CIT: variants seen among roughly 807,000 people sequenced by gnomAD.
CIT encodes the protein citron rho-interacting serine/threonine kinase, also known as citron Rho-interacting kinase.
CIT carries 79 observed loss-of-function variants against 272.7 expected under a neutral mutation model. That is an observed-to-expected ratio of 0.29 (90% CI 0.24 to 0.35). The LOEUF (loss-of-function observed/expected upper bound fraction) is 0.35, where lower values mean the gene tolerates loss of function less well. Ranked by LOEUF, CIT falls within the 10% of genes least tolerant of loss-of-function variation. The probability of loss-of-function intolerance (pLI) is 1.00; values close to 1 mark genes in which losing one functional copy is unlikely to be tolerated. For synonymous variants in CIT, 948 were observed against 995.6 expected, an observed-to-expected ratio of 0.95 and a Z score of 0.90; for missense variants, 1,909 against 2,618.3, an observed-to-expected ratio of 0.73 and a Z score of 5.91.
chr12:119,764,133 C>G (rs1962141760), intron 19 of CIT, among the ~76,000 whole-genome samples: 1 of 152,278 alleles, frequency 6.6e-6, no homozygotes, highest in South Asian at 2.1e-4. Flanking sequence ...CGACCACCCA[C>G]CAAGGTGGGC....
At position 119,832,779 on chromosome 12, in the gene CIT, T is replaced by TTGA. The variant is rs748187277; in HGVS notation, c.742_744dup (p.Ser248dup). 4.8e-5 allele frequency: 77 copies of TTGA among 1,612,942 alleles called. No homozygotes were observed. The highest frequency in any genetic ancestry group is 5.9e-5 in the Non-Finnish European group (69 of 1,178,858). On this transcript the variant is annotated inframe_insertion, in exon 7 of 48. Coordinates refer to ENST00000392521, the MANE Select transcript of CIT (RefSeq NM_001206999.2). ...CTTATTCCATTTTTTACCATCTTGT[T>TTGA]TGAATTCATTTTCGCGGCAGATCCA...
chr12:119,822,063 A>C (rs1169549025), intron 9 of CIT, among the ~76,000 whole-genome samples: 6 of 152,196 alleles, frequency 3.9e-5, no homozygotes, highest in Non-Finnish European at 8.8e-5. Flanking sequence ...TCCCTCCATC[A>C]CCAAAAACAA....
intron 28 of CIT, among the ~76,000 whole-genome samples, chr12:119,723,467 T>C (rs1957913380): frequency 6.6e-6 from 1 of 151,706 alleles, no homozygotes; most frequent in African/African-American, 2.4e-5. Context: ...AGCATTTACC[T>C]GCTTCCCAGA....
chr12:119,778,893 C>T (rs1964038448), intron 13 of CIT, among the ~76,000 whole-genome samples: 1 of 152,126 alleles, frequency 6.6e-6, no homozygotes, highest in Non-Finnish European at 1.5e-5. Context: ...ATTATATAAC[C>T]AAAGATCTTT....
intron 5 of CIT, among the ~76,000 whole-genome samples, chr12:119,849,420 C>T (rs1052880049): frequency 6.6e-6 from 1 of 151,884 alleles, no homozygotes; most frequent in African/African-American, 2.4e-5. Flanking sequence ...AAGCGAGACT[C>T]TGTCTCAAAA....
rs183760956 is a variant in CIT at position 119,866,232 on chromosome 12, A to C, written c.238+2828T>G. On this transcript the variant is annotated intron_variant, in intron 3 of 47. Coordinates refer to ENST00000392521, the MANE Select transcript of CIT (RefSeq NM_001206999.2). ...CTCCAAAAATAGCACCCAATGCCCC[A>C]GTCCTCTTGGGATTCATGACCTTGT... Among the ~76,000 whole-genome samples, 267 of 152,324 alleles carry C rather than the reference A, an allele frequency of 1.8e-3. 1 individual carries two copies. The highest frequency in any genetic ancestry group is 6.1e-3 in the African/African-American group (254 of 41,578).
chr12:119,835,131 C>T (rs544442842), intron 5 of CIT, among the ~76,000 whole-genome samples: 1 of 152,316 alleles, frequency 6.6e-6, no homozygotes, highest in East Asian at 1.9e-4. Flanking sequence ...ACTCTTCTAC[C>T]CCAAGGAACT....
chr12:119,776,687 C>T lies in CIT; in HGVS notation c.1821G>A (p.Gln607=). The change falls in exon 14 of 48, where the codon CAG becomes CAA. Residue 607 remains glutamine (Q), a synonymous_variant. Transcript: ENST00000392521. ...GGCTGACTACCTTCAACAGTTTATG[C>T]TGACATTCTGTCGCTTTCCGCTTGA... ...EEFKRKATEC[Q]HKLLKAKDQG... 2 of 1,613,708 alleles carry T rather than the reference C, an allele frequency of 1.2e-6. No individual in the cohort carries two copies. Among genetic ancestry groups the T allele is most frequent in the Non-Finnish European group, 1.7e-6 (2 of 1,179,936 alleles).
Position 119,712,901 on chromosome 12 carries a change from A to G in CIT, c.4580-206T>C. 1 of 584,890 alleles carries G rather than the reference A, an allele frequency of 1.7e-6. No homozygotes were observed. Among genetic ancestry groups the G allele is most frequent in the East Asian group, 2.9e-5 (1 of 34,910 alleles). 36.2% of individuals were successfully genotyped at this position (584,890 alleles called of 1,614,324 possible). A position where few individuals can be genotyped will look rare whatever the true frequency, so the allele number is the denominator to read the frequency against. On this transcript the variant is annotated intron_variant, in intron 35 of 47. Coordinates refer to ENST00000392521, the MANE Select transcript of CIT (RefSeq NM_001206999.2). This position sits in a 1 kb window ranked among gnomAD's most constrained non-coding sequence, Gnocchi z 5.2. ...AAATAAAGTGTGTCAGATGAGTAGC[A>G]CAGTCAAATTTCTGATGACGATGCG...
intron 5 of CIT, among the ~76,000 whole-genome samples, chr12:119,835,980 C>T (rs1176239780): frequency 6.6e-6 from 1 of 152,010 alleles, no homozygotes; most frequent in Non-Finnish European, 1.5e-5. Context: ...ACTTGTATAA[C>T]AATTGCTGAA....
intron 10 of CIT, among the ~76,000 whole-genome samples, chr12:119,787,445 A>T (rs566753860): frequency 6.6e-6 from 1 of 150,782 alleles, no homozygotes; most frequent in South Asian, 2.1e-4. Context: ...AAAAAAAAAC[A>T]AATAGGCCGG....
intron 2 of CIT, among the ~76,000 whole-genome samples, chr12:119,872,587 T>TA (rs1490834781): frequency 6.6e-6 from 1 of 152,222 alleles, no homozygotes; most frequent in Non-Finnish European, 1.5e-5. Flanking sequence ...GGTTTACCCA[T>TA]AAGTCTTCCT....
At chr12:119,743,376 G>GAGCA (rs985268624) in intron 23 of CIT, among the ~76,000 whole-genome samples, 3 of 152,154 alleles carry the variant, frequency 2.0e-5, no homozygotes, top group African/African-American at 7.2e-5. Context: ...ACGGCAGAGG[G>GAGCA]AGCAGCATTT....
chr12:119,731,091 C>T (rs1958411951), intron 26 of CIT, among the ~76,000 whole-genome samples: 1 of 152,044 alleles, frequency 6.6e-6, no homozygotes, highest in Non-Finnish European at 1.5e-5. Flanking sequence ...CACACCACCG[C>T]ACTCCAGCCT....
intron 26 of CIT, among the ~76,000 whole-genome samples, chr12:119,732,210 G>T (rs1329031943): frequency 6.7e-6 from 1 of 150,272 alleles, no homozygotes. Flanking sequence ...TACCAAAACA[G>T]AAAAAAGAAA....
intron 10 of CIT, among the ~76,000 whole-genome samples, chr12:119,787,378 C>T (rs894263972): frequency 1.3e-5 from 2 of 151,732 alleles, no homozygotes; most frequent in African/African-American, 4.8e-5. Context: ...CTACAGTGAG[C>T]TACGATTGTA....
At chr12:119,704,555 C>A in intron 40 of CIT, 100 bp from the exon 41 acceptor site, 1 of 985,124 alleles carries the variant, frequency 1.0e-6, no homozygotes, top group South Asian at 1.4e-5. Context: ...ATTGATGATT[C>A]AGACCAGATC....
At chr12:119,777,625 G>A (rs1430964081) in intron 13 of CIT, among the ~76,000 whole-genome samples, 4 of 150,854 alleles carry the variant, frequency 2.7e-5, no homozygotes, top group African/African-American at 9.8e-5. Context: ...AGCCGAGATC[G>A]CGCCACTGCA....
At chr12:119,717,960 C>T (rs1957619646) in intron 32 of CIT, among the ~76,000 whole-genome samples, 2 of 150,668 alleles carry the variant, frequency 1.3e-5, no homozygotes, top group East Asian at 3.9e-4. Context: ...CCTGCCTCAG[C>T]CTCCCGAGTA....
Sources: gnomAD v4.1 joint callset for allele counts (sites outside exome capture counted in the v4.1 genomes callset) on GRCh38, gnomAD v4.1.1 for gene constraint, Gnocchi (gnomAD v3.1) non-coding constraint, MANE v1.5 for transcripts, NCBI Gene and HGNC (gene_info 2026-07-23, HGNC 2026-07-21) for gene names.